SRGAP1: variants seen among roughly 807,000 people sequenced by gnomAD.
SRGAP1 encodes the protein SLIT-ROBO Rho GTPase-activating protein 1.
In SRGAP1, 43 loss-of-function variants were observed where a neutral mutation model predicts 121.9. The ratio of observed to expected loss-of-function variants is 0.35; its 90% CI spans 0.28 to 0.46. The LOEUF (loss-of-function observed/expected upper bound fraction) is 0.46. SRGAP1 is among the 20% of genes least tolerant of loss of function. The pLI, the probability that SRGAP1 is intolerant of heterozygous loss-of-function variation, is 1.00. For synonymous variants in SRGAP1, 447 were observed against 485.4 expected (o/e 0.92, Z 1.04); for missense variants, 1,102 against 1,350.9 (o/e 0.82, Z 2.89).
chr12:63,856,162 G>A (rs1190323192), intron 1 of SRGAP1, among the ~76,000 whole-genome samples: 1 of 152,094 alleles, frequency 6.6e-6, no homozygotes, highest in Non-Finnish European at 1.5e-5. Flanking sequence ...GGAGGCTGAG[G>A]CAGGAGAATC....
chr12:64,142,644 G>T lies in SRGAP1; in HGVS notation c.3230G>T (p.Gly1077Val), dbSNP rs1302755492. The T allele has an allele frequency of 1.2e-6, 2 of 1,613,878 alleles. No homozygotes were observed. Among genetic ancestry groups the T allele is most frequent in the Non-Finnish European group, 1.7e-6 (2 of 1,180,002 alleles). ...ATAGGACCTGCCCCACCTCCCCAGG[G>T]TCCAACAGACAAGTCATGCACAATG... Reference protein sequence around the residue: ...PTIGPAPPPQGPTDKSCTM With the variant: ...PTIGPAPPPQVPTDKSCTM The change falls in exon 22 of 22, where the codon GGT becomes GTT. Residue 1077 changes from glycine (G) to valine (V), a missense_variant. Gly to Val is a moderately radical substitution (Grantham distance 109). Around this residue, in one of 3 missense-constraint regions of SRGAP1, gnomAD observed 315 missense variants for 343.1 expected, o/e 0.92. Transcript: ENST00000355086.
intron 18 of SRGAP1, among the ~76,000 whole-genome samples, chr12:64,122,762 G>A (rs111761989): frequency 0.034 from 5,224 of 152,172 alleles, 322 homozygotes; most frequent in African/African-American, 0.12. Flanking sequence ...TTGGGGCATG[G>A]TGGCACGTGC....
chr12:63,989,563 T>C (rs373952880), intron 2 of SRGAP1, among the ~76,000 whole-genome samples: 20 of 152,372 alleles, frequency 1.3e-4, no homozygotes, highest in African/African-American at 4.6e-4. Flanking sequence ...CAGTAGATTT[T>C]TATGTAAACA....
At chr12:64,130,613 C>T (rs992819821) in intron 21 of SRGAP1, among the ~76,000 whole-genome samples, 2 of 152,194 alleles carry the variant, frequency 1.3e-5, no homozygotes, top group Admixed American at 6.5e-5. Flanking sequence ...TGTGACATCA[C>T]AAGACCAATC....
chr12:63,897,038 A>C (rs1900777821), intron 1 of SRGAP1, among the ~76,000 whole-genome samples: 1 of 152,222 alleles, frequency 6.6e-6, no homozygotes, highest in African/African-American at 2.4e-5. Context: ...AGTATTTTGG[A>C]GAATGACAAC....
At chr12:63,888,509 C>A (rs1018021351) in intron 1 of SRGAP1, 1 of 152,108 alleles carries the variant, frequency 6.6e-6, no homozygotes, top group African/African-American at 2.4e-5. Context: ...TGGACATGTT[C>A]AAGGATCTGA....
At chr12:63,875,777 G>T (rs1900010388) in intron 1 of SRGAP1, among the ~76,000 whole-genome samples, 2 of 152,168 alleles carry the variant, frequency 1.3e-5, no homozygotes, top group Non-Finnish European at 2.9e-5. Context: ...GTAGTTGATT[G>T]CAAGTTTAGA....
At chr12:64,056,564 AAAAGAGAG>A (rs1593084773) in intron 6 of SRGAP1, among the ~76,000 whole-genome samples, 1 of 150,844 alleles carries the variant, frequency 6.6e-6, no homozygotes, top group Non-Finnish European at 1.5e-5. Context: ...AAAAAAAAAA[AAAAGAGAG>A]AAAGAAAGAA....
At chr12:64,025,820 C>A (rs1312858154) in intron 4 of SRGAP1, among the ~76,000 whole-genome samples, 2 of 152,262 alleles carry the variant, frequency 1.3e-5, no homozygotes, top group African/African-American at 4.8e-5. Flanking sequence ...GGCCTTGACG[C>A]ACACTGACTT....
chr12:64,139,281 CTG>C (rs2036918744), intron 21 of SRGAP1, among the ~76,000 whole-genome samples: 1 of 152,202 alleles, frequency 6.6e-6, no homozygotes. Context: ...CACTGGAAAA[CTG>C]TATCAGGGGA....
At position 63,892,864 on chromosome 12, in the gene SRGAP1, A is replaced by G. The variant is rs547718176; in HGVS notation, c.67+47981A>G. ...AGTAGGTAGGTAGAGACTGTAGCGC[A>G]TTTAATTAAAACTACTGTGCTAAAA... On this transcript the variant is annotated intron_variant, in intron 1 of 21. Transcript: ENST00000355086. 3.3e-5 allele frequency among the ~76,000 whole-genome samples: 5 copies of G among 151,756 alleles called. No individual in the cohort carries two copies. In the South Asian group the frequency reaches 1.0e-3, roughly 32 times the overall value.
intron 4 of SRGAP1, among the ~76,000 whole-genome samples, chr12:64,028,309 T>A (rs2034697891): frequency 1.3e-5 from 2 of 152,262 alleles, no homozygotes; most frequent in South Asian, 4.1e-4. Context: ...AAGAACTTTC[T>A]GAATGACCTT....
At chr12:64,117,464 A>G (rs1469582257) in intron 18 of SRGAP1, among the ~76,000 whole-genome samples, 3 of 152,072 alleles carry the variant, frequency 2.0e-5, no homozygotes, top group South Asian at 4.1e-4. Flanking sequence ...TTTGTTTTTC[A>G]AATGCTTATT....
chr12:63,858,798 G>C (rs1592888754), intron 1 of SRGAP1, among the ~76,000 whole-genome samples: 1 of 152,144 alleles, frequency 6.6e-6, no homozygotes, highest in Non-Finnish European at 1.5e-5. Context: ...TGCCTCCTGG[G>C]TTCAAGCGAT....
At chr12:63,980,495 C>T (rs1351329780) in intron 1 of SRGAP1, among the ~76,000 whole-genome samples, 1 of 152,112 alleles carries the variant, frequency 6.6e-6, no homozygotes, top group African/African-American at 2.4e-5. Flanking sequence ...ATTAGGATAG[C>T]CATGCCATTT....
chr12:64,089,276 C>T (rs1416670831), intron 11 of SRGAP1, among the ~76,000 whole-genome samples: 2 of 152,196 alleles, frequency 1.3e-5, no homozygotes, highest in East Asian at 1.9e-4. Context: ...ATCATTCCAA[C>T]TAGCCTATTC....
At chr12:63,855,439 T>C (rs954288593) in intron 1 of SRGAP1, among the ~76,000 whole-genome samples, 12 of 149,976 alleles carry the variant, frequency 8.0e-5, no homozygotes, top group African/African-American at 2.9e-4. Context: ...GAAGAGATTT[T>C]GGTGAACAAG....
chr12:63,912,248 C>T (rs1457529182), intron 1 of SRGAP1, among the ~76,000 whole-genome samples: 1 of 152,116 alleles, frequency 6.6e-6, no homozygotes, highest in African/African-American at 2.4e-5. Flanking sequence ...TAGGTACTGA[C>T]ACTATCCCTA....
Position 64,151,476 on chromosome 12 carries a change from CTG to C in SRGAP1, c.*8808_*8809del, listed in dbSNP as rs956796377. On this transcript the variant is annotated 3_prime_UTR_variant, in exon 22 of 22. Coordinates refer to ENST00000355086, the MANE Select transcript of SRGAP1 (RefSeq NM_020762.4). The stretch of plus-strand genomic sequence containing the variant: ...AGCTCTGTATATAATAATTAATTGT[CTG>C]TGTTTGGATCATAAAGTTAGCATTG... The C allele has an allele frequency of 2.6e-5, 4 of 151,628 alleles. No individual in the cohort carries two copies. The highest frequency in any genetic ancestry group is 4.8e-5 in the African/African-American group (2 of 41,250). 9.4% of individuals were successfully genotyped at this position (151,628 alleles called of 1,614,324 possible).
Sources: gnomAD v4.1 joint callset for allele counts (sites outside exome capture counted in the v4.1 genomes callset) on GRCh38, gnomAD v4.1.1 for gene constraint, gnomAD v4.1.1 regional missense constraint, MANE v1.5 for transcripts, NCBI Gene and HGNC (gene_info 2026-07-23, HGNC 2026-07-21) for gene names.